Variants in ACTR1A observed in about 807,000 individuals in gnomAD.
ACTR1A encodes alpha-centractin.
Under a neutral mutation model 50.7 loss-of-function variants are expected in ACTR1A, and 10 were observed. That is an observed-to-expected ratio of 0.20 (90% CI 0.12 to 0.33). The LOEUF is 0.33. ACTR1A is among the 10% of genes least tolerant of loss of function. The probability of loss-of-function intolerance (pLI) is 1.00; values close to 1 mark genes in which losing one functional copy is unlikely to be tolerated. For synonymous variants in ACTR1A, 177 were observed against 184.2 expected (o/e 0.96, Z 0.32); for missense variants, 253 against 491.7 (o/e 0.51, Z 4.59).
At chr10:102,486,546 G>A (rs11598184) in intron 4 of ACTR1A, among the ~76,000 whole-genome samples, 76,275 of 151,692 alleles carry the variant, frequency 0.5, 19,546 homozygotes, top group Middle Eastern at 0.62. Flanking sequence ...AAAATTAGCC[G>A]GGCTTGGTGG....
chr10:102,499,469 A>G (rs2062237154), intron 1 of ACTR1A, among the ~76,000 whole-genome samples: 2 of 152,226 alleles, frequency 1.3e-5, no homozygotes, highest in South Asian at 4.1e-4. Flanking sequence ...GAGGGGGAAA[A>G]AAAAGACAAG....
chr10:102,479,407 A>G lies in ACTR1A; in HGVS notation c.*1456T>C. 2.7e-6 allele frequency: 1 copy of G among 374,686 alleles called. No homozygotes were observed. The highest frequency in any genetic ancestry group is 2.0e-5 in the South Asian group (1 of 49,150). The allele number at this position is 374,686 out of a possible 1,614,324, so 23.2% of individuals were successfully genotyped here. The stretch of plus-strand genomic sequence containing the variant: ...ACACATACCTGCTGCTGTGGCCCAC[A>G]CCTGGCAGGGGCCTTTGGTCATAGG... On this transcript the variant is annotated 3_prime_UTR_variant, in exon 11 of 11. Transcript: ENST00000369905. This position sits in a 1 kb window ranked among gnomAD's most constrained non-coding sequence, Gnocchi z 4.0.
At position 102,497,216 on chromosome 10, in the gene ACTR1A, C is replaced by G. The variant is rs550092489; in HGVS notation, c.48+5384G>C. Among the ~76,000 whole-genome samples the G allele has an allele frequency of 6.0e-5, 9 of 148,862 alleles. No homozygotes were observed. In the East Asian group the frequency reaches 1.8e-3, roughly 30 times the overall value. On this transcript the variant is annotated intron_variant, in intron 1 of 10. Transcript: ENST00000369905. ...AAAGAATGTGGGAGAGGGAAATGGG[C>G]AGGAATGTAGTTGAAAAGATTGGCC...
intron 1 of ACTR1A, among the ~76,000 whole-genome samples, chr10:102,491,973 G>A (rs1249705525): frequency 2.8e-5 from 4 of 141,638 alleles, no homozygotes; most frequent in Non-Finnish European, 6.0e-5. Context: ...GTTTCACCGT[G>A]TTAGCCAGGA....
intron 1 of ACTR1A, among the ~76,000 whole-genome samples, chr10:102,497,071 C>G (rs1322196462): frequency 6.8e-6 from 1 of 147,390 alleles, no homozygotes; most frequent in Non-Finnish European, 1.5e-5. Flanking sequence ...CCCAACTACT[C>G]GGGAGGCTGA....
At chr10:102,489,961 A>C (rs2062184307) in intron 2 of ACTR1A, among the ~76,000 whole-genome samples, 1 of 151,814 alleles carries the variant, frequency 6.6e-6, no homozygotes, top group South Asian at 2.1e-4. Context: ...ACTCCTCATT[A>C]AGATGGTAGA....
chr10:102,493,374 TA>T (rs1410327165), intron 1 of ACTR1A, among the ~76,000 whole-genome samples: 1 of 152,228 alleles, frequency 6.6e-6, no homozygotes, highest in Non-Finnish European at 1.5e-5. Context: ...CGGCAGAGGT[TA>T]AAAACAAGAG....
rs1345611964 is a variant in ACTR1A, at chr10:102,480,726, G to A, written c.*137C>T. ...TGGGCCCAGGGTCCCAGGGCCACACGGCACTCGCATGTGCACACACACTCA... is the reference window on the plus strand; with the variant it reads ...TGGGCCCAGGGTCCCAGGGCCACACAGCACTCGCATGTGCACACACACTCA... On this transcript the variant is annotated 3_prime_UTR_variant, in exon 11 of 11. Transcript: ENST00000369905. 4.0e-6 allele frequency: 3 copies of A among 746,880 alleles called. No individual in the cohort carries two copies. The highest frequency in any genetic ancestry group is 4.7e-6 in the Non-Finnish European group (2 of 427,220). 46.3% of individuals were successfully genotyped at this position (746,880 alleles called of 1,614,324 possible).
At chr10:102,493,579 C>T (rs2062205870) in intron 1 of ACTR1A, among the ~76,000 whole-genome samples, 4 of 152,328 alleles carry the variant, frequency 2.6e-5, no homozygotes, top group Middle Eastern at 3.4e-3. Context: ...CACCTTCCTC[C>T]TGAAGAAACA....
In ACTR1A at chr10:102,483,093, TA is replaced by T; in HGVS notation, c.667del (p.Tyr223ThrfsTer4). The T allele has an allele frequency of 1.2e-6, 2 of 1,613,866 alleles. No homozygotes were observed. The highest frequency in any genetic ancestry group is 1.7e-6 in the Non-Finnish European group (2 of 1,179,738). On this transcript the variant is annotated frameshift_variant, in exon 7 of 11. Coordinates refer to ENST00000369905, the MANE Select transcript of ACTR1A (RefSeq NM_005736.4). LOFTEE classifies it high-confidence loss of function. ...ATCCTTTTGGGGGTTTATGGATAGG[TA>T]ACAGGCTCTCTGCAGATCCAAGCAA... is the stretch of plus-strand genomic sequence containing the variant. ...IVKAIKERAC[Y>X]LSINPQKDET...
rs897171663 is a variant in ACTR1A, at chr10:102,479,367, C to T, written c.*1496G>A. ...GTTAAGCGCACTGCAGTCCGCGGGG[C>T]GCTACGTTGCTTTCACACATACCTG... On this transcript the variant is annotated 3_prime_UTR_variant, in exon 11 of 11. Transcript: ENST00000369905. This position sits in a 1 kb window ranked among gnomAD's most constrained non-coding sequence, Gnocchi z 4.0. 8 of 368,544 alleles carry T rather than the reference C, an allele frequency of 2.2e-5. No individual in the cohort carries two copies. The highest frequency in any genetic ancestry group is 7.4e-5 in the East Asian group (1 of 13,486). The allele number at this position is 368,544 out of a possible 1,614,324, so 22.8% of individuals were successfully genotyped here.
rs371544873 is a variant in ACTR1A at position 102,484,301 on chromosome 10, C to T, written c.516G>A (p.Glu172=). 4.3e-6 allele frequency: 7 copies of T among 1,614,220 alleles called. No individual in the cohort carries two copies. The highest frequency in any genetic ancestry group is 5.9e-6 in the Non-Finnish European group (7 of 1,180,034). The change falls in exon 6 of 11, where the codon GAG becomes GAA. Residue 172 remains glutamate (E), a synonymous_variant. Transcript: ENST00000369905. ...DGVTHAVPIY[E]GFAMPHSIMR... is the part of the protein sequence containing the mutation. ...TGATGGAGTGGGGCATGGCAAAGCCCTCATAGATGGGCACAGCATGGGTGA... is the reference window on the plus strand; with the variant it reads ...TGATGGAGTGGGGCATGGCAAAGCCTTCATAGATGGGCACAGCATGGGTGA...
chr10:102,482,300 A>G lies in ACTR1A; in HGVS notation c.751-125T>C, dbSNP rs2062147247. 1 of 847,766 alleles carries G rather than the reference A, an allele frequency of 1.2e-6. No individual in the cohort carries two copies. Among genetic ancestry groups the G allele is most frequent in the Non-Finnish European group, 1.9e-6 (1 of 534,702 alleles). 52.5% of individuals were successfully genotyped at this position (847,766 alleles called of 1,614,324 possible). On this transcript the variant is annotated intron_variant, in intron 7 of 10. Transcript: ENST00000369905. The surrounding 1 kb of genome is among the most constrained non-coding windows in gnomAD (Gnocchi z 5.6). ...GGTGGCTATGAAGGCCAGGCTCAAG[A>G]CAGACTCTACATGTCAAGGGCTTAA...
At position 102,488,043 on chromosome 10, in the gene ACTR1A, C is replaced by T; in HGVS notation, c.315+107G>A. On this transcript the variant is annotated intron_variant, in intron 4 of 10. Transcript: ENST00000369905. The surrounding 1 kb of genome is among the most constrained non-coding windows in gnomAD (Gnocchi z 4.4). ...CTGAATATGCCTGAAAATCAAATGGCTCCAGCACTCTTGGCAGTGATCATC... is the reference window on the plus strand; with the variant it reads ...CTGAATATGCCTGAAAATCAAATGGTTCCAGCACTCTTGGCAGTGATCATC... 2 of 1,342,630 alleles carry T rather than the reference C, an allele frequency of 1.5e-6. No individual in the cohort carries two copies. Among genetic ancestry groups the T allele is most frequent in the South Asian group, 2.7e-5 (2 of 73,204 alleles). The allele number at this position is 1,342,630 out of a possible 1,614,324, so 83.2% of individuals were successfully genotyped here. A position where few individuals can be genotyped will look rare whatever the true frequency, so the allele number is the denominator to read the frequency against.
intron 1 of ACTR1A, among the ~76,000 whole-genome samples, chr10:102,499,434 G>C (rs2062236829): frequency 6.6e-6 from 1 of 152,072 alleles, no homozygotes; most frequent in African/African-American, 2.4e-5. Flanking sequence ...AGAAATACTG[G>C]CATAATAAAG....
At position 102,488,212 on chromosome 10, in the gene ACTR1A, C is replaced by T. The variant is rs772607975; in HGVS notation, c.253G>A (p.Asp85Asn). 7 of 1,613,972 alleles carry T rather than the reference C, an allele frequency of 4.3e-6. No individual in the cohort carries two copies. The highest frequency in any genetic ancestry group is 2.2e-5 in the East Asian group (1 of 44,898). The stretch of plus-strand genomic sequence containing the variant: ...ACATATTGCCAAATGCGTTCCATGT[C>T]GTTCCAATCCTTGACGATGCCATGC... ...MEHGIVKDWN[D>N]MERIWQYVYS... The change falls in exon 4 of 11, where the codon GAC becomes AAC. Residue 85 changes from aspartate (D) to asparagine (N), a missense_variant. By Grantham distance (23) the Asp-to-Asn change is conservative. Around this residue, in one of 4 missense-constraint regions of ACTR1A, gnomAD observed 96 missense variants for 238.7 expected, o/e 0.40. Transcript: ENST00000369905. The surrounding 1 kb of genome is among the most constrained non-coding windows in gnomAD (Gnocchi z 4.4).
intron 5 of ACTR1A, 57 bp downstream of exon 5, chr10:102,485,552 A>G: frequency 6.2e-7 from 1 of 1,605,938 alleles, no homozygotes; most frequent in South Asian, 1.1e-5. Context: ...AGCCAGCCTC[A>G]GCTGTGCCAA....
rs901817726 is a variant in ACTR1A at position 102,488,654 on chromosome 10, A to G, written c.190-379T>C. On this transcript the variant is annotated intron_variant, in intron 3 of 10. Coordinates refer to ENST00000369905, the MANE Select transcript of ACTR1A (RefSeq NM_005736.4). The surrounding 1 kb of genome is among the most constrained non-coding windows in gnomAD (Gnocchi z 4.4). ...GCAACAGCGATTCTGCTATCTGCTTACAAGAGGCTGCATGAGGGCTCTGAC... is the reference window on the plus strand; with the variant it reads ...GCAACAGCGATTCTGCTATCTGCTTGCAAGAGGCTGCATGAGGGCTCTGAC... 9.2e-5 allele frequency among the ~76,000 whole-genome samples: 14 copies of G among 152,230 alleles called. No homozygotes were observed. Among genetic ancestry groups the G allele is most frequent in the Non-Finnish European group, 2.1e-4 (14 of 68,032 alleles).
chr10:102,490,544 C>T lies in ACTR1A; in HGVS notation c.113+5G>A. 2 of 1,611,296 alleles carry T rather than the reference C, an allele frequency of 1.2e-6. No homozygotes were observed. The highest frequency in any genetic ancestry group is 1.7e-6 in the Non-Finnish European group (2 of 1,177,550). Reference sequence around the variant, plus strand: ...CCAAAACGTCTAAGCTACAGAATGACTTACTAGTTTGGAAAGCAGTATTTG... The same window carrying T: ...CCAAAACGTCTAAGCTACAGAATGATTTACTAGTTTGGAAAGCAGTATTTG... On this transcript the variant is annotated splice_donor_5th_base_variant and intron_variant, in intron 2 of 10. Transcript: ENST00000369905.
Sources: gnomAD v4.1 joint callset for allele counts (sites outside exome capture counted in the v4.1 genomes callset) on GRCh38, gnomAD v4.1.1 for gene constraint, gnomAD v4.1.1 regional missense constraint, Gnocchi (gnomAD v3.1) non-coding constraint, MANE v1.5 for transcripts, NCBI Gene and HGNC (gene_info 2026-07-23, HGNC 2026-07-21) for gene names.